KCTD19: variants seen among roughly 807,000 people sequenced by gnomAD.
KCTD19 encodes the protein BTB/POZ domain-containing protein KCTD19.
In KCTD19, 67 loss-of-function variants were observed where a neutral mutation model predicts 103.5. That is an observed-to-expected ratio of 0.65 (90% CI 0.53 to 0.79). The LOEUF is 0.79. Ranked by LOEUF, KCTD19 falls within the 30% of genes least tolerant of loss-of-function variation. The probability of loss-of-function intolerance (pLI) is 0.00; values close to 1 mark genes in which losing one functional copy is unlikely to be tolerated. For synonymous variants in KCTD19, 439 were observed against 452.2 expected (o/e 0.97, Z 0.37); for missense variants, 980 against 1,136.1 (o/e 0.86, Z 1.98).
chr16:67,321,840 C>T (rs146662760), intron 1 of KCTD19: 1 of 152,368 alleles, frequency 6.6e-6, no homozygotes, highest in Non-Finnish European at 1.5e-5. Flanking sequence ...GGATGGTCGT[C>T]CTCTTTGACT....
Position 67,303,816 on chromosome 16 carries a change from G to A in KCTD19, c.452-479C>T, listed in dbSNP as rs1168420937. Among the ~76,000 whole-genome samples the A allele has an allele frequency of 6.6e-6, 1 of 152,152 alleles. No homozygotes were observed. The highest frequency in any genetic ancestry group is 1.5e-5 in the Non-Finnish European group (1 of 68,036). On this transcript the variant is annotated intron_variant, in intron 3 of 15. Transcript: ENST00000304372. This position sits in a 1 kb window ranked among gnomAD's most constrained non-coding sequence, Gnocchi z 4.3. ...TCTGCCTCAGCCTCCCAAAATGCTG[G>A]GATTACAGGCATGAGCCACCGTGCC...
chr16:67,314,869 A>G (rs968652625), intron 2 of KCTD19, among the ~76,000 whole-genome samples: 1 of 142,088 alleles, frequency 7.0e-6, no homozygotes, highest in Non-Finnish European at 1.5e-5. Flanking sequence ...AGAGAGAGAG[A>G]GAGAGGGGAA....
At chr16:67,326,659 C>A (rs2037181053) in intron 1 of KCTD19, 46 bp downstream of exon 1, 4 of 1,569,476 alleles carry the variant, frequency 2.5e-6, no homozygotes, top group East Asian at 2.4e-5. Flanking sequence ...GGCCCCCATT[C>A]GCCGCTTTGG....
rs2036861073 is a variant in KCTD19 at position 67,303,555 on chromosome 16, T to G, written c.452-218A>C. On this transcript the variant is annotated intron_variant, in intron 3 of 15. Coordinates refer to ENST00000304372, the MANE Select transcript of KCTD19 (RefSeq NM_001100915.3). This position sits in a 1 kb window ranked among gnomAD's most constrained non-coding sequence, Gnocchi z 4.3. The stretch of plus-strand genomic sequence containing the variant: ...GGGCATGGAAGTCTATTTTTTTTTC[T>G]TTTCTTTTTTGAGATGGAGTCTCAC... 1.3e-5 allele frequency among the ~76,000 whole-genome samples: 2 copies of G among 152,084 alleles called. No individual in the cohort carries two copies. Among genetic ancestry groups the G allele is most frequent in the African/African-American group, 4.8e-5 (2 of 41,386 alleles).
chr16:67,300,594 G>A lies in KCTD19; in HGVS notation c.776-1021C>T, dbSNP rs118080780. The A allele has an allele frequency of 0.011, 1,653 of 152,396 alleles. 19 individuals are homozygous for A. Among genetic ancestry groups the A allele is most frequent in the South Asian group, 0.014 (70 of 4,828 alleles). 9.4% of individuals were successfully genotyped at this position (152,396 alleles called of 1,614,324 possible). A position where few individuals can be genotyped will look rare whatever the true frequency, so the allele number is the denominator to read the frequency against. ...TCACACCATCTTAAGCGGATTATAA[G>A]GCCCTGGGACAGGGTCCTGAGACCT... On this transcript the variant is annotated intron_variant, in intron 5 of 15. Transcript: ENST00000304372. This position sits in a 1 kb window ranked among gnomAD's most constrained non-coding sequence, Gnocchi z 4.5.
chr16:67,305,536 C>G, intron 2 of KCTD19: 1 of 448,190 alleles, frequency 2.2e-6, no homozygotes, highest in Admixed American at 2.4e-5. Context: ...AGTGGAGCAC[C>G]CCAACTAGGC....
chr16:67,292,610 G>A (rs1035161514), intron 12 of KCTD19, among the ~76,000 whole-genome samples: 2 of 152,142 alleles, frequency 1.3e-5, no homozygotes, highest in African/African-American at 2.4e-5. Flanking sequence ...GCCCCTCCAA[G>A]CAGGGCTGGA....
At chr16:67,317,027 T>C (rs2037019942) in intron 2 of KCTD19, among the ~76,000 whole-genome samples, 1 of 152,208 alleles carries the variant, frequency 6.6e-6, no homozygotes, top group African/African-American at 2.4e-5. Context: ...GTTGAGTGCA[T>C]GGGAACCTTA....
chr16:67,299,242 G>A (rs542418595), intron 6 of KCTD19, 121 bp downstream of exon 6: 1 of 882,356 alleles, frequency 1.1e-6, no homozygotes, highest in Admixed American at 2.4e-5. Context: ...TGGCTAAAAT[G>A]ATGGGCTGGC....
chr16:67,296,324 T>C (rs2036764978), intron 7 of KCTD19, 65 bp from the exon 8 acceptor site: 1 of 983,188 alleles, frequency 1.0e-6, no homozygotes, highest in Non-Finnish European at 1.7e-6. Context: ...GTAGGGCCCT[T>C]TGGTTAGTAG....
intron 15 of KCTD19, among the ~76,000 whole-genome samples, 177 bp from the exon 16 acceptor site, chr16:67,289,859 C>T (rs140429691): frequency 6.6e-6 from 1 of 152,348 alleles, no homozygotes; most frequent in African/African-American, 2.4e-5. Flanking sequence ...CTAGAAATGG[C>T]TATCAGGGAA....
intron 7 of KCTD19, among the ~76,000 whole-genome samples, 188 bp from the exon 8 acceptor site, chr16:67,296,447 G>A (rs1348189287): frequency 2.0e-5 from 3 of 152,152 alleles, no homozygotes; most frequent in African/African-American, 4.8e-5. Flanking sequence ...TTCCTGGGTG[G>A]TGAGGCGGGA....
chr16:67,307,114 A>G (rs1256195901), intron 2 of KCTD19, among the ~76,000 whole-genome samples: 8 of 152,132 alleles, frequency 5.3e-5, no homozygotes, highest in Admixed American at 5.2e-4. Flanking sequence ...GATACAATGT[A>G]TAATGATTAA....
chr16:67,325,062 C>T (rs1206930544), intron 1 of KCTD19, among the ~76,000 whole-genome samples: 1 of 152,146 alleles, frequency 6.6e-6, no homozygotes, highest in Non-Finnish European at 1.5e-5. Flanking sequence ...TTCTGTTCTC[C>T]TTAAAGGTGG....
In KCTD19 at chr16:67,303,110, G is replaced by GGC; in HGVS notation, c.643+35_643+36insGC. On this transcript the variant is annotated intron_variant, in intron 4 of 15. Coordinates refer to ENST00000304372, the MANE Select transcript of KCTD19 (RefSeq NM_001100915.3). This position sits in a 1 kb window ranked among gnomAD's most constrained non-coding sequence, Gnocchi z 4.3. The stretch of plus-strand genomic sequence containing the variant: ...GGGGAGGGGTGAATGGGCCCTATCA[G>GGC]CCCGCCCCCCACCCCACCCCGGACA... 1 of 947,050 alleles carries GGC rather than the reference G, an allele frequency of 1.1e-6. No homozygotes were observed. Among genetic ancestry groups the GGC allele is most frequent in the Non-Finnish European group, 1.6e-6 (1 of 621,078 alleles). The allele number at this position is 947,050 out of a possible 1,614,324, so 58.7% of individuals were successfully genotyped here.
chr16:67,301,767 A>C (rs2036836618), intron 5 of KCTD19, 24 bp downstream of exon 5: 2 of 1,611,138 alleles, frequency 1.2e-6, no homozygotes, highest in South Asian at 1.1e-5. Flanking sequence ...GTCGAGGGGG[A>C]GCCAAGGTTT....
At chr16:67,291,264 G>T (rs1237593531) in intron 14 of KCTD19, 45 bp downstream of exon 14, 1 of 1,588,678 alleles carries the variant, frequency 6.3e-7, no homozygotes, top group African/African-American at 1.3e-5. Flanking sequence ...GGAAGAGGTG[G>T]AGAAGGTACA....
chr16:67,304,645 A>C, intron 2 of KCTD19, 74 bp from the exon 3 acceptor site: 1 of 1,337,390 alleles, frequency 7.5e-7, no homozygotes, highest in Non-Finnish European at 1.1e-6. Flanking sequence ...TGTGAAGATC[A>C]GGAAAAACAG....
Position 67,303,107 on chromosome 16 carries a change from T to TCGGGGGG in KCTD19, c.643+38_643+39insCCCCCCG. 1.1e-6 allele frequency: 1 copy of TCGGGGGG among 897,596 alleles called. No individual in the cohort carries two copies. The highest frequency in any genetic ancestry group is 2.7e-5 in the East Asian group (1 of 37,530). 55.6% of individuals were successfully genotyped at this position (897,596 alleles called of 1,614,324 possible). ...GATGGGGAGGGGTGAATGGGCCCTA[T>TCGGGGGG]CAGCCCGCCCCCCACCCCACCCCGG... On this transcript the variant is annotated intron_variant, in intron 4 of 15. Coordinates refer to ENST00000304372, the MANE Select transcript of KCTD19 (RefSeq NM_001100915.3). The surrounding 1 kb of genome is among the most constrained non-coding windows in gnomAD (Gnocchi z 4.3).
Sources: allele counts gnomAD v4.1 joint callset (sites outside exome capture counted in the v4.1 genomes callset), GRCh38; gene constraint gnomAD v4.1.1; non-coding constraint Gnocchi (gnomAD v3.1); transcripts MANE v1.5; gene names NCBI Gene and HGNC (gene_info 2026-07-23, HGNC 2026-07-21).